FOXI1: variants seen among roughly 807,000 people sequenced by gnomAD.
FOXI1 encodes forkhead box protein I1.
Under a neutral mutation model 16.4 loss-of-function variants are expected in FOXI1, and 11 were observed. The ratio of observed to expected loss-of-function variants is 0.67; its 90% CI spans 0.42 to 1.11. The LOEUF is 1.11. Ranked by LOEUF, FOXI1 falls within the 50% of genes least tolerant of loss-of-function variation. The pLI, the probability that FOXI1 is intolerant of heterozygous loss-of-function variation, is 0.00. For synonymous variants in FOXI1, 218 were observed against 211.5 expected (o/e 1.03, Z -0.27); for missense variants, 480 against 506.1 (o/e 0.95, Z 0.49).
Position 170,108,719 on chromosome 5 carries a change from G to A in FOXI1, c.*108G>A. 1 of 868,708 alleles carries A rather than the reference G, an allele frequency of 1.2e-6. No homozygotes were observed. Among genetic ancestry groups the A allele is most frequent in the East Asian group, 2.5e-5 (1 of 40,814 alleles). 53.8% of individuals were successfully genotyped at this position (868,708 alleles called of 1,614,324 possible). A position where few individuals can be genotyped will look rare whatever the true frequency, so the allele number is the denominator to read the frequency against. ...TGACTGCGGAACTGCCCAGACATAA[G>A]CAGGAGCCTCCGAGGAATCCACCCT... On this transcript the variant is annotated 3_prime_UTR_variant, in exon 2 of 2. Transcript: ENST00000306268.
intron 1 of FOXI1, chr5:170,107,111 C>A: frequency 2.7e-6 from 1 of 374,352 alleles, no homozygotes; most frequent in Non-Finnish European, 3.7e-6. Flanking sequence ...TCTTATGAAA[C>A]CCATTCTACA....
chr5:170,106,940 G>T, intron 1 of FOXI1: 1 of 977,836 alleles, frequency 1.0e-6, no homozygotes, highest in Non-Finnish European at 1.2e-6. Flanking sequence ...GAAAGTCTTT[G>T]GTGAATGAAT....
Position 170,108,732 on chromosome 5 carries a change from AG to A in FOXI1, c.*123del. On this transcript the variant is annotated 3_prime_UTR_variant, in exon 2 of 2. Coordinates refer to ENST00000306268, the MANE Select transcript of FOXI1 (RefSeq NM_012188.5). Reference sequence around the variant, plus strand: ...GCCCAGACATAAGCAGGAGCCTCCGAGGAATCCACCCTCTTTCTAGAACACT... The same window carrying A: ...GCCCAGACATAAGCAGGAGCCTCCGAGAATCCACCCTCTTTCTAGAACACT... The A allele has an allele frequency of 1.3e-6, 1 of 772,996 alleles. No homozygotes were observed. Among genetic ancestry groups the A allele is most frequent in the Non-Finnish European group, 2.3e-6 (1 of 439,928 alleles). 47.9% of individuals were successfully genotyped at this position (772,996 alleles called of 1,614,324 possible). A position where few individuals can be genotyped will look rare whatever the true frequency, so the allele number is the denominator to read the frequency against.
intron 1 of FOXI1, among the ~76,000 whole-genome samples, chr5:170,107,727 G>A (rs1758534119): frequency 6.6e-6 from 1 of 152,204 alleles, no homozygotes; most frequent in South Asian, 2.1e-4. Flanking sequence ...AGCATTGAAA[G>A]CCCTCCAACC....
rs199665479 is a variant in FOXI1, at chr5:170,106,464, C to T, written c.507C>T (p.Asn169=). ...ACAAGAGCAAGGCCGGCTGGCAGAACTCCATCCGCCACAACCTGTCGCTCA... is the reference window on the plus strand; with the variant it reads ...ACAAGAGCAAGGCCGGCTGGCAGAATTCCATCCGCCACAACCTGTCGCTCA... ...FYNKSKAGWQ[N]SIRHNLSLND... Residue 169 remains asparagine, a synonymous_variant, in exon 1 of 2, where the codon AAC becomes AAT. Transcript: ENST00000306268. 6.2e-7 allele frequency: 1 copy of T among 1,614,262 alleles called. No individual in the cohort carries two copies. The highest frequency in any genetic ancestry group is 2.2e-5 in the East Asian group (1 of 44,882).
chr5:170,108,190 C>A lies in FOXI1; in HGVS notation c.716C>A (p.Pro239Gln). The change falls in exon 2 of 2, where the codon CCG (proline) becomes CAG (glutamine). Residue 239 changes from proline to glutamine, a missense_variant. This residue lies in a region of FOXI1 where 257 missense variants were observed against 262.2 expected (regional missense o/e 0.98). Transcript: ENST00000306268. ...LALEKTESSL[P>Q]VDSPKTTEPQ... is the part of the protein sequence containing the mutation. Reference sequence around the variant, plus strand: ...TTAGAGAAGACAGAGAGCAGTCTCCCGGTGGACAGCCCCAAGACCACGGAG... The same window carrying A: ...TTAGAGAAGACAGAGAGCAGTCTCCAGGTGGACAGCCCCAAGACCACGGAG... 1 of 1,614,164 alleles carries A rather than the reference C, an allele frequency of 6.2e-7. No homozygotes were observed. The highest frequency in any genetic ancestry group is 8.5e-7 in the Non-Finnish European group (1 of 1,180,030).
intron 1 of FOXI1, chr5:170,106,886 T>C (rs1466861222): frequency 6.7e-6 from 4 of 594,796 alleles, no homozygotes; most frequent in Admixed American, 6.3e-5. Flanking sequence ...CTTAATCGCC[T>C]GCAGTAATTA....
Position 170,108,282 on chromosome 5 carries a change from C to A in FOXI1, c.808C>A (p.Pro270Thr), listed in dbSNP as rs768501354. The change falls in exon 2 of 2, where the codon CCT becomes ACT. Residue 270 changes from proline (P) to threonine (T), a missense_variant. Around this residue, in one of 3 missense-constraint regions of FOXI1, gnomAD observed 257 missense variants for 262.2 expected, o/e 0.98. Transcript: ENST00000306268. ...TTSSPEKRPS[P>T]PPSGAPCLNS... ...CAGCTCCCCAGAGAAGCGGCCCTCC[C>A]CTCCCCCATCAGGCGCCCCTTGCCT... 1 of 1,614,026 alleles carries A rather than the reference C, an allele frequency of 6.2e-7. No homozygotes were observed. The highest frequency in any genetic ancestry group is 8.5e-7 in the Non-Finnish European group (1 of 1,180,018).
chr5:170,107,260 C>A (rs555191458), intron 1 of FOXI1, among the ~76,000 whole-genome samples: 2 of 152,334 alleles, frequency 1.3e-5, no homozygotes, highest in Non-Finnish European at 2.9e-5. Flanking sequence ...CAGAGACCTG[C>A]AGAGAGGCAT....
In FOXI1 at chr5:170,108,379, C is replaced by G. The variant is rs765758835; in HGVS notation, c.905C>G (p.Pro302Arg). 1 of 1,614,200 alleles carries G rather than the reference C, an allele frequency of 6.2e-7. No homozygotes were observed. Among genetic ancestry groups the G allele is most frequent in the Non-Finnish European group, 8.5e-7 (1 of 1,180,018 alleles). The change falls in exon 2 of 2, where the codon CCA (proline) becomes CGA (arginine). Residue 302 changes from proline to arginine, a missense_variant. By Grantham distance (103) the Pro-to-Arg change is moderately radical. Transcript: ENST00000306268. The stretch of plus-strand genomic sequence containing the variant: ...CCCACGAGCCACCCCTTGGTCACAC[C>G]AGGACTGAGCCCTGAGCCCAGTGAC... Reference protein sequence around the residue: ...GSPTSHPLVTPGLSPEPSDKT... With the variant: ...GSPTSHPLVTRGLSPEPSDKT...
rs954375617 is a variant in FOXI1, at chr5:170,108,996, A to T, written c.*385A>T. 1.6e-5 allele frequency: 3 copies of T among 189,036 alleles called. No homozygotes were observed. The Admixed American group carries it at 1.7e-4, about 11-fold the overall frequency. 11.7% of individuals were successfully genotyped at this position (189,036 alleles called of 1,614,324 possible). On this transcript the variant is annotated 3_prime_UTR_variant, in exon 2 of 2. Transcript: ENST00000306268. ...TTTCCAGGGTTATATAAACTAGTAA[A>T]TGGCAGAGCTAAGAGTCAAATCCAG...
At chr5:170,107,050 G>A in intron 1 of FOXI1, 1 of 974,738 alleles carries the variant, frequency 1.0e-6, no homozygotes, top group South Asian at 4.7e-5. Context: ...TGCCTGCCTT[G>A]TTTCTACTTA....
rs766320745 is a variant in FOXI1, at chr5:170,106,291, A to G, written c.334A>G (p.Ile112Val). The G allele has an allele frequency of 6.3e-7, 1 of 1,585,644 alleles. No individual in the cohort carries two copies. The highest frequency in any genetic ancestry group is 8.6e-7 in the Non-Finnish European group (1 of 1,166,250). ...GGGGAGCGACCTGGGCTGGCTGCCCATCCCCTCGCAGGAGGAGCTGATGAA... is the reference window on the plus strand; with the variant it reads ...GGGGAGCGACCTGGGCTGGCTGCCCGTCCCCTCGCAGGAGGAGCTGATGAA... ...LGGSDLGWLP[I>V]PSQEELMKLV... Residue 112 changes from isoleucine (I) to valine (V), a missense_variant, in exon 1 of 2, where the codon ATC (isoleucine) becomes GTC (valine). Coordinates refer to ENST00000306268, the MANE Select transcript of FOXI1 (RefSeq NM_012188.5).
Position 170,108,793 on chromosome 5 carries a change from A to G in FOXI1, c.*182A>G. The G allele has an allele frequency of 1.6e-6, 1 of 620,232 alleles. No homozygotes were observed. Among genetic ancestry groups the G allele is most frequent in the Non-Finnish European group, 2.9e-6 (1 of 349,860 alleles). 38.4% of individuals were successfully genotyped at this position (620,232 alleles called of 1,614,324 possible). A position where few individuals can be genotyped will look rare whatever the true frequency, so the allele number is the denominator to read the frequency against. ...TTCTGTTTATCACACATAGGCCCAC[A>G]CACAGACTCACCAACTTTGCAATAG... On this transcript the variant is annotated 3_prime_UTR_variant, in exon 2 of 2. Transcript: ENST00000306268.
intron 1 of FOXI1, among the ~76,000 whole-genome samples, chr5:170,107,316 T>C (rs962958667): frequency 6.6e-6 from 1 of 152,234 alleles, no homozygotes; most frequent in Non-Finnish European, 1.5e-5. Context: ...AAGTCCACTT[T>C]TGTTCCACCG....
intron 1 of FOXI1, among the ~76,000 whole-genome samples, chr5:170,107,298 C>T (rs1439050137): frequency 1.3e-5 from 2 of 152,186 alleles, no homozygotes; most frequent in African/African-American, 4.8e-5. Flanking sequence ...ATCCATTTCC[C>T]AGAATTAAAG....
chr5:170,108,382 G>A lies in FOXI1; in HGVS notation c.908G>A (p.Gly303Glu), dbSNP rs773527333. Reference sequence around the variant, plus strand: ...ACGAGCCACCCCTTGGTCACACCAGGACTGAGCCCTGAGCCCAGTGACAAG... The same window carrying A: ...ACGAGCCACCCCTTGGTCACACCAGAACTGAGCCCTGAGCCCAGTGACAAG... The part of the protein sequence containing the change: ...SPTSHPLVTP[G>E]LSPEPSDKTG... Residue 303 changes from glycine to glutamate, a missense_variant, in exon 2 of 2, where the codon GGA becomes GAA. Gly to Glu is a moderately conservative substitution (Grantham distance 98). Transcript: ENST00000306268. 8.4e-5 allele frequency: 135 copies of A among 1,614,168 alleles called. No individual in the cohort carries two copies. Among genetic ancestry groups the A allele is most frequent in the Middle Eastern group, 3.3e-4 (2 of 6,062 alleles).
intron 1 of FOXI1, 83 bp downstream of exon 1, chr5:170,106,614 A>G: frequency 6.4e-7 from 1 of 1,567,292 alleles, no homozygotes. Context: ...GAAAGTTCTG[A>G]CTAGGGCTGT....
At chr5:170,106,617 A>G in intron 1 of FOXI1, 86 bp downstream of exon 1, 1 of 1,560,264 alleles carries the variant, frequency 6.4e-7, no homozygotes, top group East Asian at 2.4e-5. Context: ...AGTTCTGACT[A>G]GGGCTGTGCC....
Sources: gnomAD v4.1 joint callset for allele counts (sites outside exome capture counted in the v4.1 genomes callset) on GRCh38, gnomAD v4.1.1 for gene constraint, gnomAD v4.1.1 regional missense constraint, MANE v1.5 for transcripts, NCBI Gene and HGNC (gene_info 2026-07-23, HGNC 2026-07-21) for gene names.